The following NDST4 variants were observed in gnomAD, a reference collection of about 807,000 sequenced individuals.
NDST4 encodes the protein N-deacetylase and N-sulfotransferase 4, also known as N-heparan sulfate sulfotransferase 4.
A neutral mutation model predicts 100.8 loss-of-function variants in NDST4; 63 were observed. That is an observed-to-expected ratio of 0.62 (90% CI 0.51 to 0.77). The LOEUF is 0.77. Among genes scored for constraint, NDST4 ranks in the 30% least tolerant of loss-of-function variants. NDST4 has a pLI of 0.00. For synonymous variants in NDST4, 377 were observed against 361.8 expected (o/e 1.04, Z -0.48); for missense variants, 943 against 1,018.4 (o/e 0.93, Z 1.01).
intron 2 of NDST4, among the ~76,000 whole-genome samples, chr4:114,983,794 C>T (rs1726835356): frequency 1.3e-5 from 2 of 152,246 alleles, no homozygotes; most frequent in East Asian, 1.9e-4. Flanking sequence ...CCACCCAAAT[C>T]TCATGTCAAA....
intron 6 of NDST4, among the ~76,000 whole-genome samples, chr4:114,931,331 C>T (rs1485274338): frequency 6.6e-6 from 1 of 151,042 alleles, no homozygotes; most frequent in African/African-American, 2.4e-5. Flanking sequence ...TAGAATTTAC[C>T]AGCTAGTTTT....
At chr4:114,867,665 C>CAAAAAAAAAAAAAAAAAGA (rs1724061751) in intron 7 of NDST4, among the ~76,000 whole-genome samples, 325 of 79,584 alleles carry the variant, frequency 4.1e-3, no homozygotes, top group East Asian at 9.8e-3. Flanking sequence ...AAAAAAAAAG[C>CAAAAAAAAAAAAAAAAAGA]AAAAAAAAAA....
chr4:115,057,477 A>G (rs530701833), intron 2 of NDST4, among the ~76,000 whole-genome samples: 1 of 152,228 alleles, frequency 6.6e-6, no homozygotes, highest in Admixed American at 6.6e-5. Flanking sequence ...GCCCAGCAAT[A>G]TAGCAACCCA....
At chr4:114,942,946 G>A (rs1344046609) in intron 4 of NDST4, among the ~76,000 whole-genome samples, 3 of 149,170 alleles carry the variant, frequency 2.0e-5, no homozygotes, top group Non-Finnish European at 4.5e-5. Context: ...GAATCAATTT[G>A]TTTATATCAG....
At chr4:115,066,254 C>A (rs951374988) in intron 2 of NDST4, among the ~76,000 whole-genome samples, 1 of 152,110 alleles carries the variant, frequency 6.6e-6, no homozygotes, top group Non-Finnish European at 1.5e-5. Context: ...CTTTTTAATT[C>A]TTATTTTAAA....
chr4:114,957,090 A>G (rs1435631805), intron 4 of NDST4, among the ~76,000 whole-genome samples: 1 of 152,240 alleles, frequency 6.6e-6, no homozygotes, highest in East Asian at 1.9e-4. Flanking sequence ...ATATCAATAG[A>G]GATAGAAATA....
Position 115,068,495 on chromosome 4 carries a change from A to G in NDST4, c.978+7564T>C, listed in dbSNP as rs115414024. 2.4e-3 allele frequency among the ~76,000 whole-genome samples: 359 copies of G among 152,202 alleles called. 2 individuals are homozygous for G. Among genetic ancestry groups the G allele is most frequent in the African/African-American group, 8.3e-3 (343 of 41,556 alleles). ...AGATGAAGTTCAAAACTATCCTCAAATTATTCTTTCTTTACAAAGTAAATC... is the reference window on the plus strand; with the variant it reads ...AGATGAAGTTCAAAACTATCCTCAAGTTATTCTTTCTTTACAAAGTAAATC... On this transcript the variant is annotated intron_variant, in intron 2 of 13. Coordinates refer to ENST00000264363, the MANE Select transcript of NDST4 (RefSeq NM_022569.3).
chr4:114,984,449 A>C (rs1726854235), intron 2 of NDST4, among the ~76,000 whole-genome samples: 1 of 152,066 alleles, frequency 6.6e-6, no homozygotes, highest in Non-Finnish European at 1.5e-5. Context: ...GATTACAGGC[A>C]TGAGCAACGG....
chr4:115,020,272 C>T (rs971002391), intron 2 of NDST4, among the ~76,000 whole-genome samples: 1 of 151,926 alleles, frequency 6.6e-6, no homozygotes, highest in South Asian at 2.1e-4. Context: ...TAAGATGGAA[C>T]CAAAGAACAA....
intron 1 of NDST4, 31 bp from the exon 2 acceptor site, chr4:115,077,313 A>AT (rs2126290127): frequency 1.0e-5 from 2 of 198,360 alleles, no homozygotes; most frequent in East Asian, 2.3e-4. Flanking sequence ...AATAACTAAG[A>AT]TAAAAATAGA....
chr4:114,880,252 T>C (rs551318950), intron 6 of NDST4, among the ~76,000 whole-genome samples: 1 of 152,286 alleles, frequency 6.6e-6, no homozygotes, highest in South Asian at 2.1e-4. Context: ...TTTCTTTTAG[T>C]AGGCAAGTCA....
At chr4:114,928,195 AATG>A (rs1271451736) in intron 6 of NDST4, among the ~76,000 whole-genome samples, 1 of 152,194 alleles carries the variant, frequency 6.6e-6, no homozygotes, top group Non-Finnish European at 1.5e-5. Context: ...CAAAGAATTA[AATG>A]ATGATTGAAA....
At position 115,027,171 on chromosome 4, in the gene NDST4, C is replaced by T. The variant is rs546087700; in HGVS notation, c.978+48888G>A. On this transcript the variant is annotated intron_variant, in intron 2 of 13. Transcript: ENST00000264363. ...GCTTTGTACGTAAGTTATTGTGTGT[C>T]GCTGCTTGACCACTCCTCCTTAGTG... Among the ~76,000 whole-genome samples, 5 of 152,196 alleles carry T rather than the reference C, an allele frequency of 3.3e-5. No individual in the cohort carries two copies. In the South Asian group the frequency reaches 8.3e-4, roughly 25 times the overall value.
intron 6 of NDST4, among the ~76,000 whole-genome samples, chr4:114,898,526 G>T (rs73850732): frequency 0.059 from 9,008 of 151,986 alleles, 730 homozygotes; most frequent in African/African-American, 0.18. Context: ...ATATTTTGTG[G>T]GTCTTTTTGC....
Position 114,952,941 on chromosome 4 carries a change from A to G in NDST4, c.1222-15438T>C, listed in dbSNP as rs142059686. Among the ~76,000 whole-genome samples the G allele has an allele frequency of 1.2e-3, 186 of 152,116 alleles. 2 individuals are homozygous for G. Among genetic ancestry groups the G allele is most frequent in the African/African-American group, 4.3e-3 (180 of 41,522 alleles). ...TCATCTATTCAAATGTCATTCATTC[A>G]TATGTTACTTTAATTACCTGTGCTG... On this transcript the variant is annotated intron_variant, in intron 4 of 13. Coordinates refer to ENST00000264363, the MANE Select transcript of NDST4 (RefSeq NM_022569.3).
Position 115,080,943 on chromosome 4 carries a change from G to A in NDST4, c.-246-3661C>T, listed in dbSNP as rs186879163. ...AGGAATAAATTTAACCAGGAGATTC[G>A]GAGAGAAATTAAATGTAGGACAAGT... is the stretch of plus-strand genomic sequence containing the variant. On this transcript the variant is annotated intron_variant, in intron 1 of 13. Transcript: ENST00000264363. Among the ~76,000 whole-genome samples the A allele has an allele frequency of 1.4e-3, 207 of 152,052 alleles. 1 individual carries two copies. The highest frequency in any genetic ancestry group is 4.3e-3 in the African/African-American group (180 of 41,488).
intron 6 of NDST4, 34 bp from the exon 7 acceptor site, chr4:114,870,984 C>T (rs1473821509): frequency 3.2e-6 from 5 of 1,556,060 alleles, no homozygotes; most frequent in Admixed American, 1.8e-5. Flanking sequence ...ACAAAAATAT[C>T]ATATGCTTAA....
At chr4:114,962,949 T>C (rs1227803615) in intron 4 of NDST4, among the ~76,000 whole-genome samples, 1 of 152,156 alleles carries the variant, frequency 6.6e-6, no homozygotes, top group African/African-American at 2.4e-5. Context: ...GGAACACTCA[T>C]GAATTGCTGG....
chr4:114,839,444 T>A lies in NDST4; in HGVS notation c.2220A>T (p.Arg740Ser). The A allele has an allele frequency of 6.2e-7, 1 of 1,613,946 alleles. No individual in the cohort carries two copies. The highest frequency in any genetic ancestry group is 8.5e-7 in the Non-Finnish European group (1 of 1,179,872). ...CTGCATACCATCCAGGTACTAGGCA[T>A]CTTCTCTGCAAAGTTTTTAAGTCAG... ...APSDLKTLQR[R>S]CLVPGWYAVH... Residue 740 changes from arginine (R) to serine (S), a missense_variant, in exon 11 of 14, where the codon AGA becomes AGT. This residue lies in a region of NDST4 where 526 missense variants were observed against 634.1 expected (regional missense o/e 0.83). Transcript: ENST00000264363.
Sources: gnomAD v4.1 joint callset for allele counts (sites outside exome capture counted in the v4.1 genomes callset) on GRCh38, gnomAD v4.1.1 for gene constraint, gnomAD v4.1.1 regional missense constraint, MANE v1.5 for transcripts, NCBI Gene and HGNC (gene_info 2026-07-23, HGNC 2026-07-21) for gene names.